The following PRIM1 variants were observed in gnomAD, a reference collection of about 807,000 sequenced individuals.
PRIM1 encodes the protein DNA primase small subunit.
Under a neutral mutation model 60.2 loss-of-function variants are expected in PRIM1, and 38 were observed. The observed-to-expected ratio is 0.63, with a 90% CI of 0.49 to 0.83. The LOEUF (loss-of-function observed/expected upper bound fraction) is 0.83. Among genes scored for constraint, PRIM1 ranks in the 40% least tolerant of loss-of-function variants. The pLI is 0.00. For synonymous variants in PRIM1, 158 were observed against 160.2 expected (o/e 0.99, Z 0.10); for missense variants, 388 against 506.2 (o/e 0.77, Z 2.24).
chr12:56,751,903 C>T lies in PRIM1; in HGVS notation c.103+293G>A, dbSNP rs530021164. ...TACGCCCCAGTAACCCCCTGGGCACCGCTGCAGGTAAACGGGGCACCTAAT... is the reference window on the plus strand; with the variant it reads ...TACGCCCCAGTAACCCCCTGGGCACTGCTGCAGGTAAACGGGGCACCTAAT... On this transcript the variant is annotated intron_variant, in intron 1 of 12. Coordinates refer to ENST00000338193, the MANE Select transcript of PRIM1 (RefSeq NM_000946.3). 2.0e-5 allele frequency: 4 copies of T among 195,368 alleles called. No homozygotes were observed. In the East Asian group the frequency reaches 4.4e-4, roughly 22 times the overall value. The allele number at this position is 195,368 out of a possible 1,614,324, so 12.1% of individuals were successfully genotyped here.
chr12:56,733,282 C>T lies in PRIM1; in HGVS notation c.1243+865G>A, dbSNP rs12316591. Among the ~76,000 whole-genome samples, 391 of 151,508 alleles carry T rather than the reference C, an allele frequency of 2.6e-3. 2 individuals carry two copies. The highest frequency in any genetic ancestry group is 9.2e-3 in the African/African-American group (380 of 41,286). On this transcript the variant is annotated intron_variant, in intron 12 of 12. Transcript: ENST00000338193. ...AAGTGATTCTCCTGCCTCAGCCTCC[C>T]TAGTAGCTGGGATTACAGGCTCCCA...
intron 9 of PRIM1, among the ~76,000 whole-genome samples, chr12:56,739,570 C>T (rs1404088378): frequency 1.3e-5 from 2 of 152,178 alleles, no homozygotes; most frequent in Non-Finnish European, 2.9e-5. Context: ...CACTTTGTCA[C>T]CCATGCTAGA....
At chr12:56,747,651 C>A (rs368191813) in intron 2 of PRIM1, among the ~76,000 whole-genome samples, 19 of 152,242 alleles carry the variant, frequency 1.2e-4, no homozygotes, top group Middle Eastern at 6.8e-3. Context: ...GAAGCTGAAG[C>A]AGGAGTATCA....
At chr12:56,734,685 A>T (rs991630005) in intron 11 of PRIM1, among the ~76,000 whole-genome samples, 2 of 151,174 alleles carry the variant, frequency 1.3e-5, no homozygotes, top group Admixed American at 1.3e-4. Flanking sequence ...CTGGGATTAC[A>T]GACACATGCC....
intron 1 of PRIM1, 165 bp downstream of exon 1, chr12:56,752,031 G>T: frequency 3.8e-6 from 1 of 263,806 alleles, no homozygotes; most frequent in South Asian, 8.8e-5. Context: ...ATCCTCTCTC[G>T]GCCCATTTAC....
chr12:56,742,899 G>T, intron 7 of PRIM1, 88 bp downstream of exon 7: 1 of 954,252 alleles, frequency 1.0e-6, no homozygotes, highest in South Asian at 1.7e-5. Flanking sequence ...ATAAGTATAT[G>T]AGAACTTACA....
chr12:56,750,877 C>T (rs947220929), intron 2 of PRIM1, among the ~76,000 whole-genome samples, 161 bp downstream of exon 2: 2 of 151,862 alleles, frequency 1.3e-5, no homozygotes, highest in Admixed American at 6.6e-5. Context: ...TAATGCAGAA[C>T]GTCAAAGAAC....
intron 11 of PRIM1, among the ~76,000 whole-genome samples, chr12:56,736,095 C>T (rs1021874079): frequency 1.3e-5 from 2 of 150,878 alleles, no homozygotes; most frequent in Admixed American, 6.6e-5. Context: ...GTCGTGAGTT[C>T]GAGACCAGCC....
intron 2 of PRIM1, among the ~76,000 whole-genome samples, 164 bp downstream of exon 2, chr12:56,750,874 G>C (rs1160640236): frequency 6.6e-6 from 1 of 151,988 alleles, no homozygotes. Flanking sequence ...CAGTAATGCA[G>C]AACGTCAAAG....
chr12:56,740,863 G>C (rs1953867847), intron 9 of PRIM1, among the ~76,000 whole-genome samples: 1 of 151,786 alleles, frequency 6.6e-6, no homozygotes, highest in African/African-American at 2.4e-5. Context: ...GCCCAGGCTG[G>C]AGTGCAGTGG....
At chr12:56,749,298 C>T (rs1009127425) in intron 2 of PRIM1, among the ~76,000 whole-genome samples, 2 of 152,132 alleles carry the variant, frequency 1.3e-5, no homozygotes, top group East Asian at 1.9e-4. Context: ...TGTGAACCAC[C>T]GGCCCAGCCT....
chr12:56,739,358 T>C lies in PRIM1; in HGVS notation c.988A>G (p.Ile330Val), dbSNP rs1031989381. The C allele has an allele frequency of 4.5e-6, 7 of 1,560,906 alleles. No homozygotes were observed. Among genetic ancestry groups the C allele is most frequent in the East Asian group, 2.3e-5 (1 of 43,878 alleles). The change falls in exon 10 of 13, where the codon ATA (isoleucine) becomes GTA (valine). Residue 330 changes from isoleucine (I) to valine (V), a missense_variant. Ile to Val is a conservative substitution (Grantham distance 29). Coordinates refer to ENST00000338193, the MANE Select transcript of PRIM1 (RefSeq NM_000946.3). ...TTCTGCAAATCAATAGGCACAGATA[T>C]GCGACCTGTAAGACACAAAAGTTAT... ...PFSVHPKTGR[I>V]SVPIDLQKVD...
rs778758468 is a variant in PRIM1, at chr12:56,752,270, G to C, written c.29C>G (p.Pro10Arg). 1.3e-6 allele frequency: 2 copies of C among 1,592,764 alleles called. No homozygotes were observed. The highest frequency in any genetic ancestry group is 2.3e-5 in the East Asian group (1 of 43,834). Residue 10 changes from proline to arginine, a missense_variant, in exon 1 of 13, where the codon CCC becomes CGC. This residue lies in a region of PRIM1 where 156 missense variants were observed against 175.8 expected (regional missense o/e 0.89). Coordinates refer to ENST00000338193, the MANE Select transcript of PRIM1 (RefSeq NM_000946.3). Reference sequence around the variant, plus strand: ...CCGGTAATAAAGTTTAAGCAGCTCGGGCAGCTCGGTGGGGTCAAACGTCTC... The same window carrying C: ...CCGGTAATAAAGTTTAAGCAGCTCGCGCAGCTCGGTGGGGTCAAACGTCTC... METFDPTEL[P>R]ELLKLYYRRL... is the part of the protein sequence containing the mutation.
chr12:56,751,966 GTT>G (rs66861394), intron 1 of PRIM1, among the ~76,000 whole-genome samples: 13,227 of 79,328 alleles, frequency 0.17, 1,099 homozygotes, highest in African/African-American at 0.29. Context: ...CGGCGGCTCT[GTT>G]TTTTTTTTTT....
intron 5 of PRIM1, among the ~76,000 whole-genome samples, chr12:56,744,729 A>G (rs1361906101): frequency 6.6e-6 from 1 of 151,218 alleles, no homozygotes; most frequent in African/African-American, 2.4e-5. Context: ...AGTATACTCC[A>G]TGACTTTTGC....
At chr12:56,744,997 C>T (rs1311087061) in intron 5 of PRIM1, among the ~76,000 whole-genome samples, 1 of 151,694 alleles carries the variant, frequency 6.6e-6, no homozygotes, top group Non-Finnish European at 1.5e-5. Flanking sequence ...ATCCCAGCTA[C>T]TTGGGAGGCT....
At chr12:56,746,366 C>G in intron 4 of PRIM1, 185 bp from the exon 5 acceptor site, 2 of 797,564 alleles carry the variant, frequency 2.5e-6, no homozygotes, top group Non-Finnish European at 2.1e-6. Flanking sequence ...GGTGTGGTAG[C>G]TCACGCCTGT....
At position 56,746,745 on chromosome 12, in the gene PRIM1, T is replaced by C. The variant is rs761553997; in HGVS notation, c.442+36A>G. 53 of 1,594,050 alleles carry C rather than the reference T, an allele frequency of 3.3e-5. No individual in the cohort carries two copies. The South Asian group carries it at 5.5e-4, about 17-fold the overall frequency. On this transcript the variant is annotated intron_variant, in intron 4 of 12. Transcript: ENST00000338193. ...TAGTAGTCAGAGGAAAACCGATTCTTACACTTGACCCCATTCAGAAACTGC... is the reference window on the plus strand; with the variant it reads ...TAGTAGTCAGAGGAAAACCGATTCTCACACTTGACCCCATTCAGAAACTGC...
At position 56,746,304 on chromosome 12, in the gene PRIM1, G is replaced by C. The variant is rs925183129; in HGVS notation, c.443-123C>G. On this transcript the variant is annotated intron_variant, in intron 4 of 12. Transcript: ENST00000338193. Reference sequence around the variant, plus strand: ...TTGCTTCATCTCTTTACCCATCCTGGTCTCTCTGCTGGGAATTTCTTTCTT... The same window carrying C: ...TTGCTTCATCTCTTTACCCATCCTGCTCTCTCTGCTGGGAATTTCTTTCTT... 7 of 1,171,694 alleles carry C rather than the reference G, an allele frequency of 6.0e-6. No individual in the cohort carries two copies. In the South Asian group the frequency reaches 9.1e-5, roughly 15 times the overall value. The allele number at this position is 1,171,694 out of a possible 1,614,324, so 72.6% of individuals were successfully genotyped here. A position where few individuals can be genotyped will look rare whatever the true frequency, so the allele number is the denominator to read the frequency against.
Sources: gnomAD v4.1 joint callset for allele counts (sites outside exome capture counted in the v4.1 genomes callset) on GRCh38, gnomAD v4.1.1 for gene constraint, gnomAD v4.1.1 regional missense constraint, MANE v1.5 for transcripts, NCBI Gene and HGNC (gene_info 2026-07-23, HGNC 2026-07-21) for gene names.